The following CROT variants were observed in gnomAD, a reference collection of about 807,000 sequenced individuals.
CROT encodes the protein carnitine O-octanoyltransferase.
In CROT, 84 loss-of-function variants were observed where a neutral mutation model predicts 89.2. That is an observed-to-expected ratio of 0.94 (90% CI 0.79 to 1.13). The LOEUF (loss-of-function observed/expected upper bound fraction) is 1.13, where lower values mean the gene tolerates loss of function less well. Ranked by LOEUF, CROT falls within the 50% of genes most tolerant of loss-of-function variation. The pLI, the probability that CROT is intolerant of heterozygous loss-of-function variation, is 0.00. For missense variants in CROT, 711 were observed against 727.8 expected, an observed-to-expected ratio of 0.98 and a Z score of 0.27; for synonymous variants, 212 against 239.5, an observed-to-expected ratio of 0.89 and a Z score of 1.06.
intron 2 of CROT, among the ~76,000 whole-genome samples, chr7:87,347,276 A>G (rs78067405): frequency 0.034 from 5,125 of 152,292 alleles, 309 homozygotes; most frequent in African/African-American, 0.12. Context: ...CAGGGGTGGA[A>G]TCTTGGGGGC....
chr7:87,362,526 G>T (rs925002586), intron 6 of CROT, among the ~76,000 whole-genome samples: 8 of 151,944 alleles, frequency 5.3e-5, no homozygotes, highest in African/African-American at 1.9e-4. Context: ...AAACTCCTGG[G>T]CTCAAGCAGT....
At chr7:87,370,449 C>A (rs892163217) in intron 7 of CROT, among the ~76,000 whole-genome samples, 1 of 152,158 alleles carries the variant, frequency 6.6e-6, no homozygotes, top group East Asian at 1.9e-4. Flanking sequence ...TCCCAAAGTG[C>A]TGGGATTACA....
intron 13 of CROT, 44 bp downstream of exon 13, chr7:87,382,587 G>A: frequency 1.3e-6 from 2 of 1,555,384 alleles, no homozygotes; most frequent in Non-Finnish European, 1.7e-6. Context: ...TGAAGTCCAA[G>A]GGTATATCTT....
chr7:87,371,204 G>A (rs1451023381), intron 7 of CROT, among the ~76,000 whole-genome samples: 1 of 152,052 alleles, frequency 6.6e-6, no homozygotes, highest in Admixed American at 6.5e-5. Flanking sequence ...ATTTTGTGTT[G>A]ACTTTTACGT....
At chr7:87,388,805 A>G (rs568139354) in intron 13 of CROT, among the ~76,000 whole-genome samples, 1 of 152,372 alleles carries the variant, frequency 6.6e-6, no homozygotes, top group South Asian at 2.1e-4. Context: ...GAGCTTCTGC[A>G]CAGCAAATGA....
chr7:87,387,556 G>A (rs1449881828), intron 13 of CROT, among the ~76,000 whole-genome samples: 2 of 151,800 alleles, frequency 1.3e-5, no homozygotes, highest in Non-Finnish European at 1.5e-5. Flanking sequence ...GTGACCAGAA[G>A]TCTTACCAAT....
At position 87,378,346 on chromosome 7, in the gene CROT, C is replaced by A. The variant is rs868178841; in HGVS notation, c.978+896C>A. On this transcript the variant is annotated intron_variant, in intron 10 of 17. Transcript: ENST00000331536. The stretch of plus-strand genomic sequence containing the variant: ...GGGAAACAGACTGAGACTCCGACTC[C>A]AAAAAAAAAAAAAAAAGGGTTCAGT... Among the ~76,000 whole-genome samples, 600 of 132,328 alleles carry A rather than the reference C, an allele frequency of 4.5e-3. 4 individuals carry two copies. Among genetic ancestry groups the A allele is most frequent in the Middle Eastern group, 0.012 (3 of 260 alleles). The allele number at this position is 132,328 out of a possible 152,430, so 86.8% of individuals were successfully genotyped here.
intron 7 of CROT, among the ~76,000 whole-genome samples, chr7:87,371,945 G>A (rs920306124): frequency 8.4e-5 from 12 of 142,116 alleles, no homozygotes; most frequent in Non-Finnish European, 1.5e-4. Flanking sequence ...AGTGAGCTGT[G>A]ATTACGCCAC....
In CROT at chr7:87,361,750, G is replaced by C. The variant is rs769325453; in HGVS notation, c.445G>C (p.Val149Leu). 1.3e-6 allele frequency: 2 copies of C among 1,593,950 alleles called. No homozygotes were observed. The highest frequency in any genetic ancestry group is 4.5e-5 in the East Asian group (2 of 44,674). Residue 149 changes from valine to leucine, a missense_variant, in exon 6 of 18, where the codon GTT becomes CTT. Coordinates refer to ENST00000331536, the MANE Select transcript of CROT (RefSeq NM_021151.4). ...TAGAGAAAAAGTGCCTGTTCATAAA[G>C]TTGGAAATACTCCTCTAGATATGAA... ...LRKEKVPVHKVGNTPLDMNQF... is the reference protein window; with the variant it reads ...LRKEKVPVHKLGNTPLDMNQF...
At chr7:87,361,916 G>A (rs760463148) in intron 6 of CROT, 64 bp downstream of exon 6, 65 of 1,400,096 alleles carry the variant, frequency 4.6e-5, no homozygotes, top group African/African-American at 2.5e-4. Flanking sequence ...CTACTATGAC[G>A]TGATGGAACA....
intron 7 of CROT, among the ~76,000 whole-genome samples, chr7:87,373,269 C>T (rs1031600609): frequency 1.3e-5 from 2 of 151,972 alleles, no homozygotes; most frequent in African/African-American, 4.8e-5. Flanking sequence ...GATACTTGGC[C>T]AATTTTTAAA....
rs1806286470 is a variant in CROT at position 87,361,870 on chromosome 7, T to C, written c.547+18T>C. 5 of 1,559,376 alleles carry C rather than the reference T, an allele frequency of 3.2e-6. No homozygotes were observed. The East Asian group carries it at 1.1e-4, about 35-fold the overall frequency. On this transcript the variant is annotated intron_variant, in intron 6 of 17. Coordinates refer to ENST00000331536, the MANE Select transcript of CROT (RefSeq NM_021151.4). ...TAGGACTGGTAAGTAAAAATGCAGATATCGTTTTTAGTAAAGGCACTGGAA... is the reference window on the plus strand; with the variant it reads ...TAGGACTGGTAAGTAAAAATGCAGACATCGTTTTTAGTAAAGGCACTGGAA...
Position 87,399,454 on chromosome 7 carries a change from A to G in CROT, c.*810A>G, listed in dbSNP as rs932213447. ...TGTGCCCTTATGCTATAGCCTGGGC[A>G]AGAGCGTGAGACCCTGTCTCAAAGA... is the stretch of plus-strand genomic sequence containing the variant. On this transcript the variant is annotated 3_prime_UTR_variant, in exon 18 of 18. Transcript: ENST00000331536. 1.3e-5 allele frequency: 2 copies of G among 152,204 alleles called. No homozygotes were observed. The highest frequency in any genetic ancestry group is 4.8e-5 in the African/African-American group (2 of 41,438). 9.4% of individuals were successfully genotyped at this position (152,204 alleles called of 1,614,324 possible). A position where few individuals can be genotyped will look rare whatever the true frequency, so the allele number is the denominator to read the frequency against.
intron 14 of CROT, 27 bp downstream of exon 14, chr7:87,391,739 A>G (rs1807368150): frequency 5.0e-6 from 8 of 1,595,594 alleles, no homozygotes; most frequent in Non-Finnish European, 6.0e-6. Context: ...AAAAAAACTC[A>G]CAAGATTTGT....
intron 2 of CROT, among the ~76,000 whole-genome samples, chr7:87,347,804 C>T (rs916416526): frequency 3.3e-5 from 5 of 151,818 alleles, no homozygotes; most frequent in African/African-American, 7.3e-5. Flanking sequence ...CTGTTTAGTT[C>T]GTCACTACCT....
At chr7:87,393,193 T>C (rs1807425250) in intron 17 of CROT, 126 bp downstream of exon 17, 2 of 1,066,274 alleles carry the variant, frequency 1.9e-6, no homozygotes, top group Non-Finnish European at 2.7e-6. Context: ...TAAGTAACTA[T>C]TTTTTTCCAC....
chr7:87,384,000 T>G lies in CROT; in HGVS notation c.1301+1457T>G, dbSNP rs181599669. ...TTAGTTTTGTGAGGCACTTTCAGAC[T>G]GTTCGCCATAGTGGCTGTACTAATT... On this transcript the variant is annotated intron_variant, in intron 13 of 17. Coordinates refer to ENST00000331536, the MANE Select transcript of CROT (RefSeq NM_021151.4). 3.2e-3 allele frequency among the ~76,000 whole-genome samples: 489 copies of G among 152,264 alleles called. 1 individual carries two copies. Among genetic ancestry groups the G allele is most frequent in the Non-Finnish European group, 5.5e-3 (373 of 68,006 alleles).
At position 87,398,103 on chromosome 7, in the gene CROT, CTT is replaced by C. The variant is rs5885580; in HGVS notation, c.1719-409_1719-408del. On this transcript the variant is annotated intron_variant, in intron 17 of 17. Coordinates refer to ENST00000331536, the MANE Select transcript of CROT (RefSeq NM_021151.4). Reference sequence around the variant, plus strand: ...TTTCTCACCTATCATCCTTCTCTGCCTTTTTTTTTTTTTCAAACTTTCTTCAA... The same window carrying C: ...TTTCTCACCTATCATCCTTCTCTGCCTTTTTTTTTTTCAAACTTTCTTCAA... 9.9e-3 allele frequency among the ~76,000 whole-genome samples: 1,442 copies of C among 145,092 alleles called. 26 individuals carry two copies. The highest frequency in any genetic ancestry group is 0.033 in the African/African-American group (1,325 of 39,616).
chr7:87,358,215 C>T (rs1028088577), intron 3 of CROT, among the ~76,000 whole-genome samples: 2 of 151,972 alleles, frequency 1.3e-5, no homozygotes, highest in African/African-American at 2.4e-5. Context: ...CAGTGCCTCA[C>T]GCCTGTAATC....
Sources: gnomAD v4.1 joint callset for allele counts (sites outside exome capture counted in the v4.1 genomes callset) on GRCh38, gnomAD v4.1.1 for gene constraint, MANE v1.5 for transcripts, NCBI Gene and HGNC (gene_info 2026-07-23, HGNC 2026-07-21) for gene names.